The following SORCS3 variants were observed in gnomAD, a reference collection of about 807,000 sequenced individuals.
SORCS3 encodes the protein VPS10 domain-containing receptor SorCS3.
A neutral mutation model predicts 146.3 loss-of-function variants in SORCS3; 57 were observed. That is an observed-to-expected ratio of 0.39 (90% CI 0.31 to 0.49). The LOEUF is 0.49. Ranked by LOEUF, SORCS3 falls within the 20% of genes least tolerant of loss-of-function variation. The probability of loss-of-function intolerance (pLI) is 0.92; values close to 1 mark genes in which losing one functional copy is unlikely to be tolerated. For missense variants in SORCS3, 1,341 were observed against 1,575.5 expected (o/e 0.85, Z 2.52); for synonymous variants, 653 against 618.5 (o/e 1.06, Z -0.83).
At chr10:104,903,485 G>A (rs1026259403) in intron 2 of SORCS3, among the ~76,000 whole-genome samples, 2 of 152,142 alleles carry the variant, frequency 1.3e-5, no homozygotes, top group African/African-American at 2.4e-5. Context: ...TAGATGAGAG[G>A]GCTTTACACA....
chr10:105,177,976 C>T, intron 13 of SORCS3, 90 bp from the exon 14 acceptor site: 2 of 909,280 alleles, frequency 2.2e-6, no homozygotes, highest in South Asian at 2.9e-5. Context: ...AAGCAAGATA[C>T]AGAGGAAAAT....
chr10:105,235,470 GTT>G (rs3042988), intron 20 of SORCS3, among the ~76,000 whole-genome samples: 2 of 138,774 alleles, frequency 1.4e-5, no homozygotes, highest in Non-Finnish European at 3.2e-5. Context: ...GTGTGTGTGT[GTT>G]TTGAAAACTC....
At chr10:105,069,538 C>T (rs142794728) in intron 5 of SORCS3, among the ~76,000 whole-genome samples, 19 of 152,194 alleles carry the variant, frequency 1.2e-4, no homozygotes, top group African/African-American at 4.3e-4. Flanking sequence ...GGGAGTTCTT[C>T]TGCAGCTCTT....
intron 1 of SORCS3, among the ~76,000 whole-genome samples, chr10:104,653,049 G>A (rs904701135): frequency 6.6e-6 from 1 of 152,166 alleles, no homozygotes; most frequent in Non-Finnish European, 1.5e-5. Flanking sequence ...AAAAATTCTG[G>A]TTGTTTTTAT....
intron 1 of SORCS3, among the ~76,000 whole-genome samples, chr10:104,756,295 T>G (rs1353680364): frequency 6.6e-6 from 1 of 152,202 alleles, no homozygotes; most frequent in Non-Finnish European, 1.5e-5. Flanking sequence ...TAGGATCACA[T>G]AAGAGCACTG....
chr10:104,797,322 A>G (rs535256465), intron 1 of SORCS3, among the ~76,000 whole-genome samples: 1 of 152,330 alleles, frequency 6.6e-6, no homozygotes, highest in South Asian at 2.1e-4. Flanking sequence ...AAAATGGAGT[A>G]AGTATTTTTT....
chr10:104,905,517 A>T (rs1007417547), intron 2 of SORCS3, among the ~76,000 whole-genome samples: 7 of 152,202 alleles, frequency 4.6e-5, no homozygotes, highest in Non-Finnish European at 1.0e-4. Flanking sequence ...TGACTATTTC[A>T]GTCCCTGGGA....
At chr10:104,826,980 T>TAAAC (rs1234459013) in intron 1 of SORCS3, among the ~76,000 whole-genome samples, 6 of 152,232 alleles carry the variant, frequency 3.9e-5, no homozygotes, top group African/African-American at 1.4e-4. Flanking sequence ...TTCTCATCTG[T>TAAAC]TTAAGTTTAA....
chr10:105,262,233 T>C, intron 25 of SORCS3, 98 bp from the exon 26 acceptor site: 1 of 1,113,262 alleles, frequency 9.0e-7, no homozygotes, highest in Non-Finnish European at 1.3e-6. Context: ...ACCCTTCCTA[T>C]TAATAGCTTC....
chr10:104,703,455 T>G (rs2016303056), intron 1 of SORCS3, among the ~76,000 whole-genome samples: 1 of 152,160 alleles, frequency 6.6e-6, no homozygotes, highest in African/African-American at 2.4e-5. Context: ...TTGATTTGCA[T>G]TTCTCTGATG....
At chr10:105,061,257 G>A (rs1454699311) in intron 5 of SORCS3, among the ~76,000 whole-genome samples, 1 of 151,298 alleles carries the variant, frequency 6.6e-6, no homozygotes, top group Non-Finnish European at 1.5e-5. Flanking sequence ...GTTTTGTGGG[G>A]GTGAGGTAGG....
chr10:105,241,179 AT>A (rs2056820758), intron 20 of SORCS3, among the ~76,000 whole-genome samples: 2 of 151,924 alleles, frequency 1.3e-5, no homozygotes, highest in South Asian at 4.1e-4. Flanking sequence ...CTGATGGAGG[AT>A]TTTTCTTGGC....
intron 5 of SORCS3, among the ~76,000 whole-genome samples, chr10:105,078,574 T>G (rs1002303250): frequency 1.3e-5 from 2 of 152,344 alleles, no homozygotes; most frequent in East Asian, 1.9e-4. Context: ...ATTGAGGTCA[T>G]ATATCTAAAT....
At chr10:104,727,509 G>A (rs1462978056) in intron 1 of SORCS3, among the ~76,000 whole-genome samples, 2 of 147,708 alleles carry the variant, frequency 1.4e-5, no homozygotes, top group Non-Finnish European at 3.0e-5. Context: ...AGTACATATA[G>A]TTTTGTATAT....
At chr10:104,719,543 C>T (rs774652869) in intron 1 of SORCS3, among the ~76,000 whole-genome samples, 2 of 152,172 alleles carry the variant, frequency 1.3e-5, no homozygotes, top group Non-Finnish European at 2.9e-5. Context: ...TACTCCATAT[C>T]TCTATCTGAT....
intron 19 of SORCS3, among the ~76,000 whole-genome samples, chr10:105,220,363 G>A (rs1487643069): frequency 2.0e-5 from 3 of 152,216 alleles, no homozygotes; most frequent in Non-Finnish European, 4.4e-5. Context: ...TGTGTTTGGT[G>A]TGAGTTTATG....
intron 4 of SORCS3, among the ~76,000 whole-genome samples, chr10:105,009,338 T>C (rs2133679563): frequency 6.6e-6 from 1 of 152,216 alleles, no homozygotes; most frequent in Non-Finnish European, 1.5e-5. Flanking sequence ...AATGTAATTG[T>C]ATCCTAGATG....
chr10:104,822,170 C>G, intron 1 of SORCS3: 1 of 501,280 alleles, frequency 2.0e-6, no homozygotes, highest in South Asian at 1.5e-5. Context: ...ATCTGACAGT[C>G]AGGTCTCAGA....
At chr10:105,055,880 C>T (rs2055442703) in intron 5 of SORCS3, among the ~76,000 whole-genome samples, 1 of 152,094 alleles carries the variant, frequency 6.6e-6, no homozygotes, top group Non-Finnish European at 1.5e-5. Context: ...ATTCAAAAGT[C>T]ATCAAACTAA....
Sources: allele counts gnomAD v4.1 joint callset (sites outside exome capture counted in the v4.1 genomes callset), GRCh38; gene constraint gnomAD v4.1.1; transcripts MANE v1.5; gene names NCBI Gene and HGNC (gene_info 2026-07-23, HGNC 2026-07-21).